NAF1: variants seen among roughly 807,000 people sequenced by gnomAD.
NAF1 encodes the protein H/ACA ribonucleoprotein complex non-core subunit NAF1.
In NAF1, 11 loss-of-function variants were observed where a neutral mutation model predicts 40.6. That is an observed-to-expected ratio of 0.27 (90% CI 0.17 to 0.45). The LOEUF (loss-of-function observed/expected upper bound fraction) is 0.45. NAF1 is among the 20% of genes least tolerant of loss of function. NAF1 has a pLI of 1.00. For synonymous variants in NAF1, 260 were observed against 228.5 expected (o/e 1.14, Z -1.24); for missense variants, 607 against 611.1 (o/e 0.99, Z 0.07).
chr4:163,131,399 GACAAAA>G (rs1047814168), intron 7 of NAF1, among the ~76,000 whole-genome samples: 17 of 151,864 alleles, frequency 1.1e-4, no homozygotes, highest in Non-Finnish European at 1.8e-4. Flanking sequence ...TCAAAAAACA[GACAAAA>G]ACAAAAACAA....
intron 2 of NAF1, among the ~76,000 whole-genome samples, chr4:163,163,583 A>C (rs1048310840): frequency 4.6e-5 from 7 of 151,446 alleles, no homozygotes; most frequent in East Asian, 2.0e-4. Flanking sequence ...GACTAACATC[A>C]TCCTCCTAAG....
chr4:163,107,475 T>C (rs1334899399), downstream of NAF1, among the ~76,000 whole-genome samples: 6 of 152,196 alleles, frequency 3.9e-5, no homozygotes, highest in Non-Finnish European at 7.3e-5. Context: ...AGGACAGAGC[T>C]TTCCCTCTTT....
At chr4:163,136,533 T>C (rs1449779191) in intron 6 of NAF1, among the ~76,000 whole-genome samples, 2 of 151,634 alleles carry the variant, frequency 1.3e-5, no homozygotes, top group Non-Finnish European at 2.9e-5. Context: ...CCCCTCAAGA[T>C]AATCTGCTTA....
At chr4:163,154,690 A>T (rs548139945) in intron 2 of NAF1, among the ~76,000 whole-genome samples, 2 of 152,052 alleles carry the variant, frequency 1.3e-5, no homozygotes, top group Admixed American at 1.3e-4. Context: ...GGCCAACATG[A>T]TGAAATCCCA....
At chr4:163,130,375 GA>G (rs1730824730) in intron 7 of NAF1, among the ~76,000 whole-genome samples, 1 of 151,882 alleles carries the variant, frequency 6.6e-6, no homozygotes, top group African/African-American at 2.4e-5. Context: ...AAAGTTTTAG[GA>G]AAAAAAGAAG....
chr4:163,121,359 T>C (rs1477602118), intron 2 of NAF1, among the ~76,000 whole-genome samples: 1 of 152,050 alleles, frequency 6.6e-6, no homozygotes, highest in African/African-American at 2.4e-5. Context: ...GGTTACAAAA[T>C]GAGAAGTAAA....
intron 2 of NAF1, among the ~76,000 whole-genome samples, chr4:163,117,769 T>C (rs1299314977): frequency 4.6e-5 from 7 of 151,370 alleles, no homozygotes; most frequent in Admixed American, 1.3e-4. Flanking sequence ...GTCAGCACTC[T>C]GGTATGTTTA....
chr4:163,145,416 CA>C (rs1560795774), intron 4 of NAF1, among the ~76,000 whole-genome samples: 1 of 152,136 alleles, frequency 6.6e-6, no homozygotes, highest in East Asian at 1.9e-4. Context: ...GCTCACAAAA[CA>C]AAAATGCTTA....
At chr4:163,115,518 C>A (rs1227829795) in intron 2 of NAF1, among the ~76,000 whole-genome samples, 2 of 151,958 alleles carry the variant, frequency 1.3e-5, no homozygotes, top group Non-Finnish European at 2.9e-5. Context: ...TTTTTGAAGC[C>A]GTTGCCATAC....
rs747368189 is a variant in NAF1 at position 163,145,790 on chromosome 4, C to A, written c.709G>T (p.Ala237Ser). ...TVIFKSDRQA[A>S]GKIFEIFGPV... ...TGAAATGTTTTACAAACCTTTCCTGCTGCTTGTCGATCACTTTTAAAAATT... is the reference window on the plus strand; with the variant it reads ...TGAAATGTTTTACAAACCTTTCCTGATGCTTGTCGATCACTTTTAAAAATT... Residue 237 changes from alanine to serine, a missense_variant, in exon 4 of 8, where the codon GCA becomes TCA. Around this residue, in one of 3 missense-constraint regions of NAF1, gnomAD observed 407 missense variants for 365.5 expected, o/e 1.11. Transcript: ENST00000274054. 6.5e-5 allele frequency: 102 copies of A among 1,580,452 alleles called. No individual in the cohort carries two copies. Among genetic ancestry groups the A allele is most frequent in the Non-Finnish European group, 8.6e-5 (100 of 1,156,644 alleles).
intron 2 of NAF1, among the ~76,000 whole-genome samples, chr4:163,162,371 A>G (rs951204681): frequency 6.6e-6 from 1 of 152,134 alleles, no homozygotes; most frequent in Admixed American, 6.5e-5. Context: ...CAATTCCTCT[A>G]CCTATCTCTA....
intron 2 of NAF1, among the ~76,000 whole-genome samples, chr4:163,161,794 G>C (rs1285766459): frequency 6.6e-6 from 1 of 152,104 alleles, no homozygotes; most frequent in East Asian, 1.9e-4. Context: ...TTTTGGAATG[G>C]ATATAAGCTC....
At chr4:163,131,450 T>C (rs144306823) in intron 7 of NAF1, among the ~76,000 whole-genome samples, 76 of 152,224 alleles carry the variant, frequency 5.0e-4, no homozygotes, top group African/African-American at 1.6e-3. Flanking sequence ...TTTGTTGATG[T>C]AGAGAAGATT....
intron 2 of NAF1, among the ~76,000 whole-genome samples, chr4:163,115,108 G>A (rs549470100): frequency 2.6e-5 from 4 of 151,438 alleles, no homozygotes; most frequent in East Asian, 1.9e-4. Context: ...ATTTCAAAAC[G>A]TAGGATCATT....
intron 2 of NAF1, 35 bp from the exon 3 acceptor site, chr4:163,148,469 C>T: frequency 4.3e-6 from 6 of 1,396,450 alleles, no homozygotes; most frequent in Non-Finnish European, 5.9e-6. Context: ...ATTAAACTTC[C>T]TCCAGCTTCA....
At chr4:163,110,747 A>C (rs999560184) in intron 2 of NAF1, among the ~76,000 whole-genome samples, 9 of 152,176 alleles carry the variant, frequency 5.9e-5, no homozygotes, top group African/African-American at 2.2e-4. Flanking sequence ...GTTTCCATCA[A>C]GTTAAATTCT....
At chr4:163,109,021 T>G (rs1357400843), downstream of NAF1, 5 of 152,174 alleles carry the variant, frequency 3.3e-5, no homozygotes, top group Non-Finnish European at 7.3e-5. Context: ...TCCTAAATCT[T>G]TACTGTATGT....
intron 1 of NAF1, among the ~76,000 whole-genome samples, chr4:163,164,853 G>A (rs1341503167): frequency 6.6e-6 from 1 of 152,154 alleles, no homozygotes; most frequent in Non-Finnish European, 1.5e-5. Context: ...CCTCAGTTAC[G>A]AAAGTATGTA....
intron 2 of NAF1, among the ~76,000 whole-genome samples, chr4:163,151,522 AAACTTT>A (rs1243204586): frequency 6.6e-6 from 1 of 152,108 alleles, no homozygotes; most frequent in African/African-American, 2.4e-5. Context: ...TTTGAAAAAC[AAACTTT>A]AACATATACT....
Sources: allele counts gnomAD v4.1 joint callset (sites outside exome capture counted in the v4.1 genomes callset), GRCh38; gene constraint gnomAD v4.1.1; regional missense constraint gnomAD v4.1.1; transcripts MANE v1.5; gene names NCBI Gene and HGNC (gene_info 2026-07-23, HGNC 2026-07-21).